The following UBL3 variants were observed in gnomAD, a reference collection of about 807,000 sequenced individuals.
UBL3 encodes ubiquitin-like protein 3.
Under a neutral mutation model 18.4 loss-of-function variants are expected in UBL3, and 6 were observed. The ratio of observed to expected loss-of-function variants is 0.33; its 90% CI spans 0.18 to 0.64. The LOEUF (loss-of-function observed/expected upper bound fraction) is 0.64. UBL3 is among the 30% of genes least tolerant of loss of function. UBL3 has a pLI of 0.76. For missense variants in UBL3, 109 were observed against 142.9 expected, an observed-to-expected ratio of 0.76 and a Z score of 1.21; for synonymous variants, 49 against 46.6, an observed-to-expected ratio of 1.05 and a Z score of -0.21.
intron 2 of UBL3, among the ~76,000 whole-genome samples, chr13:29,773,240 C>T (rs1433622781): frequency 2.6e-5 from 4 of 152,066 alleles, no homozygotes; most frequent in African/African-American, 9.7e-5. Flanking sequence ...TTTGATAAAA[C>T]CACTGCCTAT....
intron 1 of UBL3, among the ~76,000 whole-genome samples, chr13:29,840,012 A>G (rs889528603): frequency 6.6e-6 from 1 of 151,980 alleles, no homozygotes; most frequent in African/African-American, 2.4e-5. Context: ...AAAACTTTTA[A>G]AAGTACAGAA....
At chr13:29,822,326 GCA>G (rs1878479604) in intron 1 of UBL3, among the ~76,000 whole-genome samples, 1 of 152,122 alleles carries the variant, frequency 6.6e-6, no homozygotes, top group Non-Finnish European at 1.5e-5. Context: ...TACAAACCTA[GCA>G]ATAGGATAAA....
chr13:29,819,313 G>T (rs2794298), intron 1 of UBL3, among the ~76,000 whole-genome samples: 4 of 152,174 alleles, frequency 2.6e-5, no homozygotes, highest in Non-Finnish European at 5.9e-5. Flanking sequence ...AGCGTAAAAC[G>T]AAAGGCAAAG....
chr13:29,791,307 C>G (rs1877472998), intron 1 of UBL3, among the ~76,000 whole-genome samples: 1 of 152,182 alleles, frequency 6.6e-6, no homozygotes, highest in Non-Finnish European at 1.5e-5. Flanking sequence ...TCAGGGTGTT[C>G]TAGACAGCTA....
At chr13:29,789,923 G>C (rs987321609) in intron 1 of UBL3, among the ~76,000 whole-genome samples, 1 of 152,160 alleles carries the variant, frequency 6.6e-6, no homozygotes, top group Non-Finnish European at 1.5e-5. Flanking sequence ...TGAAAGAGCA[G>C]AATATACCCA....
intron 1 of UBL3, among the ~76,000 whole-genome samples, chr13:29,833,896 ACTGT>A (rs2139361245): frequency 6.6e-6 from 1 of 152,348 alleles, no homozygotes; most frequent in Non-Finnish European, 1.5e-5. Flanking sequence ...GTACTTATTG[ACTGT>A]CTGAATAAAT....
intron 1 of UBL3, among the ~76,000 whole-genome samples, chr13:29,846,784 C>T (rs563412824): frequency 1.3e-5 from 2 of 152,282 alleles, no homozygotes; most frequent in East Asian, 3.9e-4. Flanking sequence ...AGAAATGACA[C>T]CACCACCAAA....
intron 1 of UBL3, among the ~76,000 whole-genome samples, chr13:29,809,598 C>T (rs1877986029): frequency 6.6e-6 from 1 of 152,072 alleles, no homozygotes; most frequent in South Asian, 2.1e-4. Context: ...AGCATTCTTT[C>T]CTTAGGAACA....
chr13:29,784,967 G>A (rs1401417111), intron 1 of UBL3, among the ~76,000 whole-genome samples: 2 of 152,168 alleles, frequency 1.3e-5, no homozygotes, highest in Admixed American at 6.5e-5. Flanking sequence ...GTGCAGTGGC[G>A]GGATCTCGGC....
chr13:29,776,040 T>C (rs910510545), intron 2 of UBL3, among the ~76,000 whole-genome samples: 1 of 152,154 alleles, frequency 6.6e-6, no homozygotes, highest in Non-Finnish European at 1.5e-5. Flanking sequence ...ATCTTGACCT[T>C]ATAGTAGTTC....
At chr13:29,821,465 T>TCA (rs1360362786) in intron 1 of UBL3, among the ~76,000 whole-genome samples, 6 of 152,350 alleles carry the variant, frequency 3.9e-5, no homozygotes, top group African/African-American at 1.2e-4. Context: ...AAGCCAGATG[T>TCA]AATACCTTTT....
intron 1 of UBL3, among the ~76,000 whole-genome samples, chr13:29,781,283 T>C (rs1320862043): frequency 6.6e-6 from 1 of 152,228 alleles, no homozygotes; most frequent in Non-Finnish European, 1.5e-5. Flanking sequence ...CTCACACATA[T>C]ATATGTACAA....
chr13:29,780,569 T>A (rs1877128323), intron 1 of UBL3, among the ~76,000 whole-genome samples: 1 of 151,508 alleles, frequency 6.6e-6, no homozygotes. Flanking sequence ...TCTAAAAACA[T>A]CTTGTTTATT....
At chr13:29,834,176 C>CT (rs375372370) in intron 1 of UBL3, among the ~76,000 whole-genome samples, 50 of 144,196 alleles carry the variant, frequency 3.5e-4, no homozygotes, top group African/African-American at 1.3e-3. Context: ...GAGCAAGACT[C>CT]TGTCTCAAGA....
At chr13:29,793,118 TAAAG>T (rs1296046381) in intron 1 of UBL3, among the ~76,000 whole-genome samples, 1 of 151,756 alleles carries the variant, frequency 6.6e-6, no homozygotes, top group Admixed American at 6.6e-5. Context: ...AGAGGGGAAA[TAAAG>T]AAGAGAACTA....
In UBL3 at chr13:29,849,390, C is replaced by T. The variant is rs1367747294; in HGVS notation, c.27+122G>A. Reference sequence around the variant, plus strand: ...ACCAGAAGCTCCAACTTCTCCAAATCGCTCAGCACAGTGGCTTTTCGACAG... The same window carrying T: ...ACCAGAAGCTCCAACTTCTCCAAATTGCTCAGCACAGTGGCTTTTCGACAG... On this transcript the variant is annotated intron_variant, in intron 1 of 4. Coordinates refer to ENST00000380680, the MANE Select transcript of UBL3 (RefSeq NM_007106.4). 5 of 1,320,868 alleles carry T rather than the reference C, an allele frequency of 3.8e-6. No homozygotes were observed. The Admixed American group carries it at 6.3e-5, about 17-fold the overall frequency. The allele number at this position is 1,320,868 out of a possible 1,614,324, so 81.8% of individuals were successfully genotyped here. A position where few individuals can be genotyped will look rare whatever the true frequency, so the allele number is the denominator to read the frequency against.
chr13:29,805,052 A>G (rs1482560417), intron 1 of UBL3, among the ~76,000 whole-genome samples: 1 of 152,228 alleles, frequency 6.6e-6, no homozygotes, highest in Non-Finnish European at 1.5e-5. Context: ...CCAGATTATT[A>G]AATATCAAAA....
At chr13:29,832,470 C>G (rs1182305081) in intron 1 of UBL3, among the ~76,000 whole-genome samples, 1 of 151,994 alleles carries the variant, frequency 6.6e-6, no homozygotes, top group African/African-American at 2.4e-5. Context: ...GTAGCTGGGA[C>G]TACAGGACCC....
Position 29,833,458 on chromosome 13 carries a change from T to C in UBL3, c.27+16054A>G, listed in dbSNP as rs543017123. ...TAGATCACACAGGACAGAAAACAAA[T>C]ACCACAAGAAACATAAAAATTTGAG... On this transcript the variant is annotated intron_variant, in intron 1 of 4. Coordinates refer to ENST00000380680, the MANE Select transcript of UBL3 (RefSeq NM_007106.4). 3.3e-5 allele frequency among the ~76,000 whole-genome samples: 5 copies of C among 151,624 alleles called. No individual in the cohort carries two copies. In the East Asian group the frequency reaches 9.7e-4, roughly 29 times the overall value.
Sources: gnomAD v4.1 joint callset for allele counts (sites outside exome capture counted in the v4.1 genomes callset) on GRCh38, gnomAD v4.1.1 for gene constraint, MANE v1.5 for transcripts, NCBI Gene and HGNC (gene_info 2026-07-23, HGNC 2026-07-21) for gene names.